The following ZNF385C variants were observed in gnomAD, a reference collection of about 807,000 sequenced individuals.
ZNF385C encodes the protein zinc finger protein 385C.
In ZNF385C, 28 loss-of-function variants were observed where a neutral mutation model predicts 35.4. The observed-to-expected ratio is 0.79, with a 90% confidence interval of 0.59 to 1.08. The LOEUF (loss-of-function observed/expected upper bound fraction) is 1.08. ZNF385C is among the 50% of genes least tolerant of loss of function. The pLI, the probability that ZNF385C is intolerant of heterozygous loss-of-function variation, is 0.00. For synonymous variants in ZNF385C, 248 were observed against 248.2 expected, an observed-to-expected ratio of 1.00 and a Z score of 0.01; for missense variants, 605 against 595.6, an observed-to-expected ratio of 1.02 and a Z score of -0.16.
chr17:42,074,819 C>T (rs2053667514), intron 1 of ZNF385C, among the ~76,000 whole-genome samples: 1 of 152,264 alleles, frequency 6.6e-6, no homozygotes, highest in Admixed American at 6.5e-5. Context: ...CAGTCCACAT[C>T]CTGTGGCTGT....
intron 1 of ZNF385C, among the ~76,000 whole-genome samples, chr17:42,076,884 G>C (rs879986853): frequency 1.8e-4 from 27 of 152,294 alleles, no homozygotes; most frequent in Non-Finnish European, 3.4e-4. Context: ...CTGGGGGTGT[G>C]AGGTGGTGCT....
chr17:42,079,427 G>A (rs1487347633), intron 1 of ZNF385C, among the ~76,000 whole-genome samples: 2 of 146,050 alleles, frequency 1.4e-5, no homozygotes, highest in Admixed American at 6.9e-5. Context: ...AGTGGCTCAC[G>A]CCTGTAATCC....
At chr17:42,039,576 G>T in intron 2 of ZNF385C, 1 of 871,024 alleles carries the variant, frequency 1.1e-6, no homozygotes, top group Non-Finnish European at 1.5e-6. Flanking sequence ...AGAAGGGCGG[G>T]TGGATGGCCT....
intron 2 of ZNF385C, among the ~76,000 whole-genome samples, chr17:42,048,354 C>T (rs2053212205): frequency 1.5e-5 from 2 of 134,426 alleles, no homozygotes; most frequent in East Asian, 4.3e-4. Context: ...GCCTGGGCAA[C>T]ATAGGGAGAA....
chr17:42,028,716 C>T, intron 6 of ZNF385C, 67 bp downstream of exon 6: 1 of 1,497,810 alleles, frequency 6.7e-7, no homozygotes, highest in Non-Finnish European at 9.0e-7. Context: ...TCAAGCCTGC[C>T]CTCATCTGGC....
intron 2 of ZNF385C, chr17:42,040,387 C>T: frequency 2.4e-6 from 3 of 1,231,962 alleles, no homozygotes; most frequent in East Asian, 6.3e-5. Context: ...GCCCTGGAGG[C>T]GGGCCCCACC....
At chr17:42,048,572 G>A (rs1292058580) in intron 2 of ZNF385C, among the ~76,000 whole-genome samples, 2 of 151,932 alleles carry the variant, frequency 1.3e-5, no homozygotes, top group Non-Finnish European at 2.9e-5. Flanking sequence ...AAGCAAATAT[G>A]CCCCTCTCCC....
At chr17:42,074,611 G>A (rs1002318695) in intron 1 of ZNF385C, among the ~76,000 whole-genome samples, 69 of 152,250 alleles carry the variant, frequency 4.5e-4, no homozygotes, top group African/African-American at 1.5e-3. Context: ...GGATGGTCTC[G>A]ATCTCCTGAC....
chr17:42,068,726 T>C (rs1189728153), intron 1 of ZNF385C, among the ~76,000 whole-genome samples: 1 of 152,192 alleles, frequency 6.6e-6, no homozygotes, highest in Non-Finnish European at 1.5e-5. Context: ...CTGCATAGAT[T>C]AGAGAACAGG....
Position 42,070,300 on chromosome 17 carries a change from C to T in ZNF385C, c.-2-7242G>A, listed in dbSNP as rs565637349. On this transcript the variant is annotated intron_variant, in intron 1 of 8. Transcript: ENST00000692273. ...CGGAGCTTGCAGTGAGCCGAGATCG[C>T]GCCACTGCACTCCAGCCTGTGCGAC... Among the ~76,000 whole-genome samples, 15 of 152,210 alleles carry T rather than the reference C, an allele frequency of 9.9e-5. No individual in the cohort carries two copies. The South Asian group carries it at 2.3e-3, about 23-fold the overall frequency.
chr17:42,061,030 C>A (rs1263386380), intron 2 of ZNF385C, among the ~76,000 whole-genome samples: 7 of 152,046 alleles, frequency 4.6e-5, no homozygotes, highest in African/African-American at 1.7e-4. Context: ...CTTGAGGCAC[C>A]CTGAATCCAC....
intron 2 of ZNF385C, among the ~76,000 whole-genome samples, chr17:42,047,230 C>T (rs1303068533): frequency 6.6e-6 from 1 of 152,146 alleles, no homozygotes; most frequent in Non-Finnish European, 1.5e-5. Flanking sequence ...GACAGGGTTT[C>T]ACCATGTTAG....
At chr17:42,071,072 C>T (rs1435546121) in intron 1 of ZNF385C, among the ~76,000 whole-genome samples, 2 of 131,402 alleles carry the variant, frequency 1.5e-5, no homozygotes, top group African/African-American at 3.2e-5. Flanking sequence ...TCAGAGGATC[C>T]AGAGGAGTCA....
chr17:42,044,918 C>CATT (rs561043687), intron 2 of ZNF385C, among the ~76,000 whole-genome samples: 1 of 132,616 alleles, frequency 7.5e-6, no homozygotes. Context: ...CCAACTCTAC[C>CATT]TTTTTTTTTT....
intron 1 of ZNF385C, among the ~76,000 whole-genome samples, chr17:42,078,178 C>T (rs1270436151): frequency 3.3e-5 from 5 of 152,148 alleles, no homozygotes; most frequent in African/African-American, 1.2e-4. Context: ...AGTAACAGGC[C>T]TCAGTTTCCC....
intron 2 of ZNF385C, among the ~76,000 whole-genome samples, chr17:42,053,083 C>A (rs2053314042): frequency 6.6e-6 from 1 of 152,228 alleles, no homozygotes; most frequent in Admixed American, 6.5e-5. Flanking sequence ...GGTTCCTCCC[C>A]ACATTCTCCA....
intron 1 of ZNF385C, among the ~76,000 whole-genome samples, chr17:42,069,695 T>C (rs907771411): frequency 1.3e-5 from 2 of 152,248 alleles, no homozygotes; most frequent in Non-Finnish European, 2.9e-5. Flanking sequence ...CCAGGCTGGC[T>C]GGCCGGCCAA....
intron 1 of ZNF385C, among the ~76,000 whole-genome samples, chr17:42,087,647 A>G (rs1166839364): frequency 1.3e-5 from 2 of 152,232 alleles, no homozygotes; most frequent in African/African-American, 4.8e-5. Context: ...AGTCCTAGCC[A>G]GGCGCAGTGT....
Position 42,031,340 on chromosome 17 carries a change from C to T in ZNF385C, c.676+279G>A, listed in dbSNP as rs532581294. Among the ~76,000 whole-genome samples, 16 of 152,282 alleles carry T rather than the reference C, an allele frequency of 1.1e-4. No individual in the cohort carries two copies. In the South Asian group the frequency reaches 3.3e-3, roughly 32 times the overall value. On this transcript the variant is annotated intron_variant, in intron 5 of 8. Transcript: ENST00000692273. ...ATGTGAGCCACCATTCCTAACTTCA[C>T]AAATGAAGTCATTTGTGAAGGCAGC...
Sources: gnomAD v4.1 joint callset for allele counts (sites outside exome capture counted in the v4.1 genomes callset) on GRCh38, gnomAD v4.1.1 for gene constraint, MANE v1.5 for transcripts, NCBI Gene and HGNC (gene_info 2026-07-23, HGNC 2026-07-21) for gene names.